The following NFATC2 variants were observed in gnomAD, a reference collection of about 807,000 sequenced individuals.
The protein encoded by NFATC2 is nuclear factor of activated T cells 2.
NFATC2 carries 22 observed loss-of-function variants against 87.3 expected under a neutral mutation model. That is an observed-to-expected ratio of 0.25 (90% CI 0.18 to 0.36). NFATC2 has a LOEUF of 0.36. NFATC2 is among the 10% of genes least tolerant of loss of function. The pLI, the probability that NFATC2 is intolerant of heterozygous loss-of-function variation, is 1.00. For missense variants in NFATC2, 1,149 were observed against 1,259.1 expected (o/e 0.91, Z 1.32); for synonymous variants, 565 against 542.2 (o/e 1.04, Z -0.58).
At chr20:51,540,663 T>TTTTTTTTTTTTTTTTTG (rs1555818354) in intron 1 of NFATC2, among the ~76,000 whole-genome samples, 43 of 135,756 alleles carry the variant, frequency 3.2e-4, no homozygotes, top group African/African-American at 7.4e-4. Flanking sequence ...TTTTTGTTTT[T>TTTTTTTTTTTTTTTTTG]TTTTTTTTGA....
intron 9 of NFATC2, among the ~76,000 whole-genome samples, chr20:51,423,291 C>CAA (rs71192527): frequency 0.043 from 2,622 of 60,934 alleles, 223 homozygotes; most frequent in African/African-American, 0.096. Context: ...GACCCTCTCT[C>CAA]AAAAAAAAAA....
intron 3 of NFATC2, among the ~76,000 whole-genome samples, chr20:51,479,705 C>G (rs1336791739): frequency 6.6e-6 from 1 of 152,236 alleles, no homozygotes; most frequent in East Asian, 1.9e-4. Context: ...ATGTTTTACA[C>G]ATCTCACAAC....
At chr20:51,483,454 G>A (rs1052237243) in intron 3 of NFATC2, among the ~76,000 whole-genome samples, 1 of 152,026 alleles carries the variant, frequency 6.6e-6, no homozygotes. Context: ...CCGAGCGGGA[G>A]GGTACCGGGG....
At chr20:51,546,275 G>C (rs544334018), upstream of NFATC2, among the ~76,000 whole-genome samples, 1 of 152,320 alleles carries the variant, frequency 6.6e-6, no homozygotes, top group South Asian at 2.1e-4. Flanking sequence ...TTCAGACTAG[G>C]TGCCAACCCA....
At position 51,480,419 on chromosome 20, in the gene NFATC2, C is replaced by G. The variant is rs1989151797; in HGVS notation, c.1333-4759G>C. Among the ~76,000 whole-genome samples the G allele has an allele frequency of 2.0e-5, 3 of 152,112 alleles. No homozygotes were observed. The stretch of plus-strand genomic sequence containing the variant: ...ACCTAAACAAACAAAAACGGTAGTT[C>G]CTTGAGAGAAAAACCTCTTTAGGAA... On this transcript the variant is annotated intron_variant, in intron 3 of 10. Transcript: ENST00000371564. This position sits in a 1 kb window ranked among gnomAD's most constrained non-coding sequence, Gnocchi z 4.2.
At chr20:51,464,985 T>C (rs1987530903) in intron 5 of NFATC2, among the ~76,000 whole-genome samples, 1 of 152,362 alleles carries the variant, frequency 6.6e-6, no homozygotes, top group African/African-American at 2.4e-5. Flanking sequence ...TTCATTTCTC[T>C]ACACCTCTTC....
At chr20:51,395,351 G>A (rs748424575) in intron 10 of NFATC2, among the ~76,000 whole-genome samples, 6 of 129,378 alleles carry the variant, frequency 4.6e-5, no homozygotes, top group South Asian at 2.5e-4. Flanking sequence ...TAACTTGTAC[G>A]GTATTGATCC....
rs528119584 is a variant in NFATC2, at chr20:51,454,163, C to T, written c.1849+385G>A. Among the ~76,000 whole-genome samples the T allele has an allele frequency of 2.0e-5, 3 of 152,234 alleles. No homozygotes were observed. The South Asian group carries it at 6.2e-4, about 32-fold the overall frequency. On this transcript the variant is annotated intron_variant, in intron 6 of 10. Coordinates refer to ENST00000371564, the MANE Select transcript of NFATC2 (RefSeq NM_012340.5). ...GATCACCAAGCAAGCAGATAACAAA[C>T]CCAGAATTTGAACCCAAGATATCCA...
upstream of NFATC2, among the ~76,000 whole-genome samples, chr20:51,546,113 T>G (rs2076887623): frequency 6.6e-6 from 1 of 152,212 alleles, no homozygotes; most frequent in African/African-American, 2.4e-5. Flanking sequence ...ACTTTGCAAC[T>G]GATCAAGTGC....
chr20:51,466,628 G>A (rs1330598414), intron 5 of NFATC2, among the ~76,000 whole-genome samples: 1 of 152,094 alleles, frequency 6.6e-6, no homozygotes, highest in Non-Finnish European at 1.5e-5. Context: ...AACCAGAACC[G>A]AAAAGCTTCC....
rs73910846 is a variant in NFATC2, at chr20:51,433,042, C to G, written c.2033-286G>C. On this transcript the variant is annotated intron_variant, in intron 8 of 10. Transcript: ENST00000371564. ...CCTGGGATGTTTACAGCCTATCTCT[C>G]CAGGTGACAGCTCAGAGGAGAATGC... 4.0e-3 allele frequency among the ~76,000 whole-genome samples: 616 copies of G among 152,230 alleles called. 1 individual carries two copies. Among genetic ancestry groups the G allele is most frequent in the African/African-American group, 0.014 (575 of 41,528 alleles).
At chr20:51,497,409 G>A (rs746787158) in intron 3 of NFATC2, among the ~76,000 whole-genome samples, 4 of 152,162 alleles carry the variant, frequency 2.6e-5, no homozygotes, top group South Asian at 2.1e-4. Flanking sequence ...ACATAGTCAC[G>A]GGGTTGCTTT....
At chr20:51,406,280 T>C (rs1335140401) in intron 9 of NFATC2, among the ~76,000 whole-genome samples, 15 of 152,236 alleles carry the variant, frequency 9.9e-5, no homozygotes, top group Non-Finnish European at 2.2e-4. Flanking sequence ...TACGCTTCTC[T>C]GAATGCAGCT....
chr20:51,531,344 G>A (rs1349181140), intron 1 of NFATC2, among the ~76,000 whole-genome samples: 1 of 152,258 alleles, frequency 6.6e-6, no homozygotes, highest in Non-Finnish European at 1.5e-5. Flanking sequence ...CCTGGCAGGT[G>A]ACGCTCATCT....
chr20:51,393,260 T>G (rs1174504030), intron 10 of NFATC2, among the ~76,000 whole-genome samples: 1 of 101,754 alleles, frequency 9.8e-6, no homozygotes, highest in African/African-American at 4.2e-5. Context: ...CTTGCCTTGG[T>G]GACAAAACCA....
At chr20:51,520,011 G>A (rs531371958) in intron 2 of NFATC2, among the ~76,000 whole-genome samples, 1 of 152,012 alleles carries the variant, frequency 6.6e-6, no homozygotes, top group South Asian at 2.1e-4. Flanking sequence ...GCCTGTATAA[G>A]CTGAGATCAA....
At chr20:51,535,015 G>A (rs1010012522) in intron 1 of NFATC2, among the ~76,000 whole-genome samples, 13 of 152,114 alleles carry the variant, frequency 8.5e-5, no homozygotes, top group African/African-American at 1.9e-4. Context: ...AACTCCCTCC[G>A]TTTTTAAAGC....
chr20:51,556,542 CACGTGATAGATCCCCAA>C (rs2146842846), intron 1 of NFATC2, among the ~76,000 whole-genome samples: 1 of 152,278 alleles, frequency 6.6e-6, no homozygotes, highest in Admixed American at 6.5e-5. Flanking sequence ...AAGTACCCGG[CACGTGATAGATCCCCAA>C]ACATCTTGGT....
chr20:51,434,769 C>G (rs1302209309), intron 8 of NFATC2, among the ~76,000 whole-genome samples: 1 of 152,150 alleles, frequency 6.6e-6, no homozygotes, highest in African/African-American at 2.4e-5. Flanking sequence ...CTCCATTAGG[C>G]CATGGGGTGA....
Sources: gnomAD v4.1 joint callset for allele counts (sites outside exome capture counted in the v4.1 genomes callset) on GRCh38, gnomAD v4.1.1 for gene constraint, Gnocchi (gnomAD v3.1) non-coding constraint, MANE v1.5 for transcripts, NCBI Gene and HGNC (gene_info 2026-07-23, HGNC 2026-07-21) for gene names.